The following EP300 variants were observed in gnomAD, a reference collection of about 807,000 sequenced individuals.
The protein encoded by EP300 is histone acetyltransferase p300.
A neutral mutation model predicts 264.0 loss-of-function variants in EP300; 31 were observed. The ratio of observed to expected loss-of-function variants is 0.12; its 90% confidence interval spans 0.09 to 0.16. The LOEUF (loss-of-function observed/expected upper bound fraction) is 0.16, where lower values mean the gene tolerates loss of function less well. EP300 is among the 10% of genes least tolerant of loss of function. The pLI, the probability that EP300 is intolerant of heterozygous loss-of-function variation, is 1.00. For missense variants in EP300, 2,766 were observed against 3,052.9 expected (o/e 0.91, Z 2.21); for synonymous variants, 1,340 against 1,045.4 (o/e 1.28, Z -5.44).
At chr22:41,168,322 A>AT in intron 23 of EP300, 127 bp from the exon 24 acceptor site, 1 of 1,130,716 alleles carries the variant, frequency 8.8e-7, no homozygotes, top group Admixed American at 1.8e-5. Flanking sequence ...CTTTGCTATG[A>AT]TTTTTTAAAA....
Position 41,176,347 on chromosome 22 carries a change from G to A in EP300, c.4880G>A (p.Arg1627Gln), listed in dbSNP as rs2145512758. 2 of 1,614,178 alleles carry A rather than the reference G, an allele frequency of 1.2e-6. No individual in the cohort carries two copies. Among genetic ancestry groups the A allele is most frequent in the Admixed American group, 1.7e-5 (1 of 60,022 alleles). Residue 1627 changes from arginine (R) to glutamine (Q), a missense_variant, in exon 30 of 31, where the codon CGG (arginine) becomes CAG (glutamine). Coordinates refer to ENST00000263253, the MANE Select transcript of EP300 (RefSeq NM_001429.4). ...ATCCCCTGCGATCTGATGGATGGTCGGGATGCGTTTCTCACGCTGGCAAGG... is the reference window on the plus strand; with the variant it reads ...ATCCCCTGCGATCTGATGGATGGTCAGGATGCGTTTCTCACGCTGGCAAGG... ...PLIPCDLMDG[R>Q]DAFLTLARDK...
At chr22:41,132,149 T>C (rs2058923325) in intron 6 of EP300, among the ~76,000 whole-genome samples, 1 of 150,618 alleles carries the variant, frequency 6.6e-6, no homozygotes, top group African/African-American at 2.4e-5. Context: ...TGAGCTGAGA[T>C]TGAGCCATTG....
At chr22:41,167,160 G>A (rs574374730) in intron 23 of EP300, among the ~76,000 whole-genome samples, 1 of 152,276 alleles carries the variant, frequency 6.6e-6, no homozygotes, top group South Asian at 2.1e-4. Context: ...TCCACACCCA[G>A]CTAATTTTTG....
intron 2 of EP300, among the ~76,000 whole-genome samples, chr22:41,123,756 CTTTG>C (rs58324709): frequency 0.53 from 80,404 of 151,568 alleles, 23,553 homozygotes; most frequent in Admixed American, 0.72. Context: ...TGGCTTCAAA[CTTTG>C]TTTGGGATAT....
chr22:41,177,783 T>G lies in EP300; in HGVS notation c.6072T>G (p.Pro2024=). ...TGTCAGTGGCCCAGCATGGTCAACC[T>G]TTGAACATGGCTCCACAACCAGGAT... is the stretch of plus-strand genomic sequence containing the variant. ...AMMSVAQHGQ[P]LNMAPQPGLG... The change falls in exon 31 of 31, where the codon CCT becomes CCG. Residue 2024 remains proline, a synonymous_variant. Coordinates refer to ENST00000263253, the MANE Select transcript of EP300 (RefSeq NM_001429.4). The G allele has an allele frequency of 6.2e-7, 1 of 1,613,992 alleles. No individual in the cohort carries two copies. The highest frequency in any genetic ancestry group is 1.1e-5 in the South Asian group (1 of 91,088).
intron 1 of EP300, among the ~76,000 whole-genome samples, chr22:41,098,162 A>G (rs1038131494): frequency 2.0e-5 from 3 of 152,186 alleles, no homozygotes; most frequent in African/African-American, 7.2e-5. Flanking sequence ...CCTGCTAAAA[A>G]ATTTTTTAAC....
chr22:41,138,521 C>T (rs573050654), intron 8 of EP300, among the ~76,000 whole-genome samples: 1 of 152,234 alleles, frequency 6.6e-6, no homozygotes, highest in South Asian at 2.1e-4. Context: ...TCTTCTCGTC[C>T]TCCAGATGTG....
At chr22:41,094,068 CAGG>C (rs1455930768) in intron 1 of EP300, among the ~76,000 whole-genome samples, 2 of 152,214 alleles carry the variant, frequency 1.3e-5, no homozygotes, top group African/African-American at 2.4e-5. Context: ...GCTCCTTTGT[CAGG>C]AGAAGTTCAG....
chr22:41,145,410 T>G (rs575005475), intron 10 of EP300, among the ~76,000 whole-genome samples: 1 of 152,350 alleles, frequency 6.6e-6, no homozygotes, highest in South Asian at 2.1e-4. Context: ...GATGGACATC[T>G]CCTTAGAAGA....
chr22:41,150,205 A>G lies in EP300; in HGVS notation c.2817+7A>G. On this transcript the variant is annotated splice_region_variant and intron_variant, in intron 14 of 30. Coordinates refer to ENST00000263253, the MANE Select transcript of EP300 (RefSeq NM_001429.4). ...TCCGCAGCCTGCAACTCCAGTAAGT[A>G]GAGATTTGGATTTAGGCAGAATCAT... 6.2e-7 allele frequency: 1 copy of G among 1,600,590 alleles called. No individual in the cohort carries two copies. Among genetic ancestry groups the G allele is most frequent in the Non-Finnish European group, 8.5e-7 (1 of 1,176,540 alleles).
chr22:41,099,378 C>T (rs1015868559), intron 1 of EP300, among the ~76,000 whole-genome samples: 22 of 152,122 alleles, frequency 1.4e-4, no homozygotes, highest in Non-Finnish European at 1.2e-4. Flanking sequence ...CTTATCCTTG[C>T]GGGATACATT....
chr22:41,130,713 A>G (rs1447538543), intron 5 of EP300, among the ~76,000 whole-genome samples: 1 of 152,178 alleles, frequency 6.6e-6, no homozygotes, highest in East Asian at 1.9e-4. Flanking sequence ...ATTCTTTTAT[A>G]CTATACTTGT....
intron 26 of EP300, 125 bp from the exon 27 acceptor site, chr22:41,170,281 T>A: frequency 1.2e-6 from 1 of 864,118 alleles, no homozygotes; most frequent in Non-Finnish European, 1.8e-6. Flanking sequence ...CTGGGTTATA[T>A]ATACACTGTG....
rs371166699 is a variant in EP300, at chr22:41,178,175, A to T, written c.6464A>T (p.Gln2155Leu). 2 of 1,614,070 alleles carry T rather than the reference A, an allele frequency of 1.2e-6. No individual in the cohort carries two copies. The highest frequency in any genetic ancestry group is 1.7e-6 in the Non-Finnish European group (2 of 1,180,042). ...CAGCAGCAACCACAGCAGCAACTCC[A>T]GCCACCCATGGGAGGGATGAGCCCC... ...LPQQQPQQQL[Q>L]PPMGGMSPQA... Residue 2155 changes from glutamine (Q) to leucine (L), a missense_variant, in exon 31 of 31, where the codon CAG becomes CTG. Transcript: ENST00000263253.
chr22:41,167,786 G>A (rs1373727171), intron 23 of EP300, among the ~76,000 whole-genome samples: 1 of 129,232 alleles, frequency 7.7e-6, no homozygotes, highest in East Asian at 2.2e-4. Flanking sequence ...CTTGTCTCCT[G>A]GCCATTGTTC....
At chr22:41,146,031 C>T (rs1313212761) in intron 10 of EP300, among the ~76,000 whole-genome samples, 2 of 151,964 alleles carry the variant, frequency 1.3e-5, no homozygotes, top group African/African-American at 4.8e-5. Context: ...TGCATAAAAA[C>T]GTTGTGCTAC....
chr22:41,118,332 A>G (rs913692724), intron 2 of EP300, among the ~76,000 whole-genome samples: 1 of 152,210 alleles, frequency 6.6e-6, no homozygotes, highest in Non-Finnish European at 1.5e-5. Flanking sequence ...GAACTTGGCC[A>G]AAGACTTCTG....
intron 4 of EP300, 24 bp downstream of exon 4, chr22:41,127,772 G>A (rs2145710535): frequency 1.9e-6 from 3 of 1,613,798 alleles, no homozygotes; most frequent in South Asian, 1.1e-5. Context: ...CAGGGTTACT[G>A]TACTTAGCAA....
intron 11 of EP300, among the ~76,000 whole-genome samples, chr22:41,147,303 C>CAAA (rs11306415): frequency 0.014 from 1,768 of 123,094 alleles, 34 homozygotes; most frequent in African/African-American, 0.058. Context: ...GACTTCGTCT[C>CAAA]AAAAAAAAAA....
Sources: allele counts gnomAD v4.1 joint callset (sites outside exome capture counted in the v4.1 genomes callset), GRCh38; gene constraint gnomAD v4.1.1; transcripts MANE v1.5; gene names NCBI Gene and HGNC (gene_info 2026-07-23, HGNC 2026-07-21).